ZNF385D: variants seen among roughly 807,000 people sequenced by gnomAD.
The protein encoded by ZNF385D is zinc finger protein 385D.
A neutral mutation model predicts 35.8 loss-of-function variants in ZNF385D; 15 were observed. That is an observed-to-expected ratio of 0.42 (90% CI 0.28 to 0.64). The LOEUF is 0.64. ZNF385D is among the 30% of genes least tolerant of loss of function. The probability of loss-of-function intolerance (pLI) is 0.23; values close to 1 mark genes in which losing one functional copy is unlikely to be tolerated. For synonymous variants in ZNF385D, 212 were observed against 186.8 expected (o/e 1.13, Z -1.10); for missense variants, 474 against 494.6 (o/e 0.96, Z 0.39).
chr3:22,258,022 G>C (rs1463230692), intron 2 of ZNF385D, among the ~76,000 whole-genome samples: 1 of 151,746 alleles, frequency 6.6e-6, no homozygotes, highest in East Asian at 1.9e-4. Context: ...ATGCAGGAGA[G>C]GTGTTTTACA....
At chr3:22,261,020 T>C (rs1191833165) in intron 2 of ZNF385D, among the ~76,000 whole-genome samples, 3 of 152,068 alleles carry the variant, frequency 2.0e-5, no homozygotes, top group Non-Finnish European at 4.4e-5. Context: ...TAAATGGGGA[T>C]AATTATTTGA....
chr3:22,111,300 C>A (rs1283738472), intron 3 of ZNF385D, among the ~76,000 whole-genome samples: 2 of 151,220 alleles, frequency 1.3e-5, no homozygotes, highest in East Asian at 3.9e-4. Flanking sequence ...CAGAAATCTG[C>A]CCTGTGAACT....
chr3:21,425,312 A>G (rs928637392), intron 6 of ZNF385D, among the ~76,000 whole-genome samples, 180 bp downstream of exon 6: 3 of 152,334 alleles, frequency 2.0e-5, no homozygotes, highest in African/African-American at 7.2e-5. Flanking sequence ...TAAAATAAGT[A>G]TAAATAAATC....
At chr3:22,167,949 T>A (rs1706444269) in intron 3 of ZNF385D, among the ~76,000 whole-genome samples, 1 of 152,246 alleles carries the variant, frequency 6.6e-6, no homozygotes, top group African/African-American at 2.4e-5. Flanking sequence ...CAATTTCTAC[T>A]TTAAGAATGT....
Position 21,420,401 on chromosome 3 carries a change from C to T in ZNF385D, c.*813G>A, listed in dbSNP as rs1371425453. The T allele has an allele frequency of 6.6e-6, 1 of 152,208 alleles. No homozygotes were observed. Among genetic ancestry groups the T allele is most frequent in the Non-Finnish European group, 1.5e-5 (1 of 68,038 alleles). The allele number at this position is 152,208 out of a possible 1,614,324, so 9.4% of individuals were successfully genotyped here. A position where few individuals can be genotyped will look rare whatever the true frequency, so the allele number is the denominator to read the frequency against. On this transcript the variant is annotated 3_prime_UTR_variant, in exon 8 of 8. Coordinates refer to ENST00000281523, the MANE Select transcript of ZNF385D (RefSeq NM_024697.3). Reference sequence around the variant, plus strand: ...TTCAGATATAGGTTCATTATAAACACTTCCCTGTTTCCAGCAATATATCTT... The same window carrying T: ...TTCAGATATAGGTTCATTATAAACATTTCCCTGTTTCCAGCAATATATCTT...
At chr3:22,106,948 A>G (rs1230788895) in intron 3 of ZNF385D, among the ~76,000 whole-genome samples, 1 of 151,270 alleles carries the variant, frequency 6.6e-6, no homozygotes, top group Non-Finnish European at 1.5e-5. Flanking sequence ...TCTCTGAAAC[A>G]TCTCTCTGAC....
intron 3 of ZNF385D, among the ~76,000 whole-genome samples, chr3:21,854,490 G>C (rs954754641): frequency 6.6e-6 from 1 of 151,908 alleles, no homozygotes; most frequent in Non-Finnish European, 1.5e-5. Context: ...CTTGCACTTG[G>C]TTTAATGATC....
intron 2 of ZNF385D, among the ~76,000 whole-genome samples, chr3:22,263,783 T>C (rs1700754457): frequency 6.6e-6 from 1 of 151,990 alleles, no homozygotes; most frequent in Non-Finnish European, 1.5e-5. Context: ...ACATTTTTTA[T>C]TGTGACAACT....
chr3:21,888,451 G>T (rs1196767064), intron 3 of ZNF385D, among the ~76,000 whole-genome samples: 1 of 152,114 alleles, frequency 6.6e-6, no homozygotes, highest in Non-Finnish European at 1.5e-5. Flanking sequence ...ATAGTAAAAA[G>T]GGGTCAGGGA....
intron 3 of ZNF385D, among the ~76,000 whole-genome samples, chr3:22,095,724 A>G (rs924496495): frequency 2.0e-5 from 3 of 151,814 alleles, no homozygotes; most frequent in Non-Finnish European, 4.4e-5. Flanking sequence ...AGTATTCTTT[A>G]TTTTCTTTCC....
intron 3 of ZNF385D, among the ~76,000 whole-genome samples, chr3:21,515,791 A>C (rs1039265919): frequency 2.6e-5 from 4 of 152,214 alleles, no homozygotes; most frequent in African/African-American, 7.2e-5. Flanking sequence ...AGACCTATAA[A>C]AGGCCACAAG....
chr3:22,096,022 T>C (rs1029550541), intron 3 of ZNF385D, among the ~76,000 whole-genome samples: 1 of 151,926 alleles, frequency 6.6e-6, no homozygotes, highest in African/African-American at 2.4e-5. Context: ...GAGGTTACTT[T>C]TGAAAATAAA....
chr3:21,741,213 C>T (rs893479090), intron 1 of ZNF385D, among the ~76,000 whole-genome samples: 1 of 152,134 alleles, frequency 6.6e-6, no homozygotes, highest in Non-Finnish European at 1.5e-5. Context: ...CTTCTCACTA[C>T]AGTATTTGTA....
intron 1 of ZNF385D, among the ~76,000 whole-genome samples, chr3:21,749,822 T>C (rs540256043): frequency 3.3e-4 from 51 of 152,272 alleles, no homozygotes; most frequent in African/African-American, 1.2e-3. Context: ...ACAGAGCAAA[T>C]AGTACATACA....
At chr3:22,201,578 A>G (rs576775182) in intron 2 of ZNF385D, among the ~76,000 whole-genome samples, 1 of 152,180 alleles carries the variant, frequency 6.6e-6, no homozygotes, top group African/African-American at 2.4e-5. Flanking sequence ...GGTATTTGTA[A>G]AGCAAGAACA....
At chr3:22,077,936 A>G (rs939527376) in intron 3 of ZNF385D, among the ~76,000 whole-genome samples, 3 of 152,010 alleles carry the variant, frequency 2.0e-5, no homozygotes, top group Non-Finnish European at 2.9e-5. Flanking sequence ...CTGACTGTGG[A>G]GTATCTGCAC....
chr3:21,514,002 C>T (rs1005187973), intron 3 of ZNF385D, among the ~76,000 whole-genome samples: 24 of 152,158 alleles, frequency 1.6e-4, no homozygotes, highest in African/African-American at 5.8e-4. Context: ...CACATTTTCT[C>T]TCTCTGTGAC....
At chr3:22,065,952 G>C (rs1379477871) in intron 3 of ZNF385D, among the ~76,000 whole-genome samples, 2 of 152,098 alleles carry the variant, frequency 1.3e-5, no homozygotes, top group African/African-American at 2.4e-5. Context: ...AACAGTATCT[G>C]AGGCTCAGTT....
chr3:22,061,806 A>G (rs1699701297), intron 3 of ZNF385D, among the ~76,000 whole-genome samples: 1 of 152,146 alleles, frequency 6.6e-6, no homozygotes, highest in Non-Finnish European at 1.5e-5. Context: ...CCTGATTCAT[A>G]GCGCTCATCA....
Sources: allele counts gnomAD v4.1 joint callset (sites outside exome capture counted in the v4.1 genomes callset), GRCh38; gene constraint gnomAD v4.1.1; transcripts MANE v1.5; gene names NCBI Gene and HGNC (gene_info 2026-07-23, HGNC 2026-07-21).